TENM3: variants seen among roughly 807,000 people sequenced by gnomAD.
TENM3 encodes teneurin transmembrane protein 3.
TENM3 carries 63 observed loss-of-function variants against 255.1 expected under a neutral mutation model. The observed-to-expected ratio is 0.25, with a 90% CI of 0.20 to 0.30. TENM3 has a LOEUF of 0.30. Ranked by LOEUF, TENM3 falls within the 10% of genes least tolerant of loss-of-function variation. The pLI is 1.00. For missense variants in TENM3, 2,929 were observed against 3,461.1 expected, an observed-to-expected ratio of 0.85 and a Z score of 3.86; for synonymous variants, 1,306 against 1,322.3, an observed-to-expected ratio of 0.99 and a Z score of 0.27.
At chr4:182,750,581 G>C (rs1762300472) in intron 19 of TENM3, among the ~76,000 whole-genome samples, 2 of 152,070 alleles carry the variant, frequency 1.3e-5, no homozygotes, top group African/African-American at 2.4e-5. Flanking sequence ...TAACCTCATT[G>C]GTAATGAGGA....
At chr4:181,562,173 C>G in the TENM3 span, among the ~76,000 whole-genome samples, 1 of 152,012 alleles carries the variant, frequency 6.6e-6, no homozygotes, top group South Asian at 2.1e-4. Flanking sequence ...TTTTGATATG[C>G]AGATACTTAA....
chr4:182,200,807 A>G (rs1218089219), intron 1 of TENM3, among the ~76,000 whole-genome samples: 2 of 146,908 alleles, frequency 1.4e-5, no homozygotes, highest in Non-Finnish European at 3.0e-5. Flanking sequence ...GGGAAGAATA[A>G]CTTTAGAAAC....
the TENM3 span, among the ~76,000 whole-genome samples, chr4:181,507,477 C>G: frequency 4.6e-5 from 7 of 152,180 alleles, no homozygotes; most frequent in African/African-American, 1.4e-4. Flanking sequence ...TTTCTGCCGG[C>G]ACATATTAAT....
At chr4:182,214,048 C>T (rs1035289856) in intron 1 of TENM3, among the ~76,000 whole-genome samples, 15 of 152,156 alleles carry the variant, frequency 9.9e-5, no homozygotes, top group Admixed American at 2.0e-4. Context: ...GTGATCCCCC[C>T]GCTGCGGCCT....
intron 3 of TENM3, among the ~76,000 whole-genome samples, chr4:182,564,570 GTTTTTGTTTTGT>G (rs1446545460): frequency 2.7e-4 from 36 of 135,444 alleles, no homozygotes; most frequent in Non-Finnish European, 3.8e-4. Context: ...TTTTGTTTTT[GTTTTTGTTTTGT>G]TTTTTTTTTT....
At chr4:181,450,722 T>G in the TENM3 span, among the ~76,000 whole-genome samples, 1 of 152,214 alleles carries the variant, frequency 6.6e-6, no homozygotes, top group East Asian at 1.9e-4. Flanking sequence ...AGACTGCACC[T>G]CTTGAATCTT....
At chr4:182,471,556 T>C (rs1733121492) in intron 3 of TENM3, among the ~76,000 whole-genome samples, 1 of 152,144 alleles carries the variant, frequency 6.6e-6, no homozygotes, top group Non-Finnish European at 1.5e-5. Context: ...AAAAATATAA[T>C]ATTACAATCT....
At chr4:181,935,805 G>T in the TENM3 span, among the ~76,000 whole-genome samples, 4 of 152,208 alleles carry the variant, frequency 2.6e-5, no homozygotes, top group Admixed American at 2.0e-4. Context: ...TTCTTGAAGC[G>T]CACTCTACCG....
At chr4:182,392,689 C>G (rs923828062) in intron 3 of TENM3, among the ~76,000 whole-genome samples, 3 of 147,932 alleles carry the variant, frequency 2.0e-5, no homozygotes, top group Admixed American at 1.4e-4. Flanking sequence ...GGGGTGGAAA[C>G]AGAGAAGGAG....
At chr4:182,635,174 A>G (rs932266940) in intron 5 of TENM3, among the ~76,000 whole-genome samples, 7 of 152,362 alleles carry the variant, frequency 4.6e-5, no homozygotes, top group Admixed American at 2.6e-4. Flanking sequence ...ATCAGACTAT[A>G]TTGTGGTGGT....
chr4:182,156,448 C>G (rs992963887), intron 1 of TENM3, among the ~76,000 whole-genome samples: 1 of 152,008 alleles, frequency 6.6e-6, no homozygotes, highest in Admixed American at 6.6e-5. Flanking sequence ...TACGGATGAT[C>G]TCGTCACCCG....
chr4:182,032,513 T>G, the TENM3 span, among the ~76,000 whole-genome samples: 1 of 152,154 alleles, frequency 6.6e-6, no homozygotes, highest in Non-Finnish European at 1.5e-5. Flanking sequence ...GAAGTTTTTT[T>G]GTTGTTGATG....
At chr4:181,910,563 A>ATATATATAATGTACATATATATATAATG in the TENM3 span, among the ~76,000 whole-genome samples, 2 of 148,212 alleles carry the variant, frequency 1.3e-5, no homozygotes, top group African/African-American at 5.0e-5. Flanking sequence ...GTATACATAT[A>ATATATATAATGTACATATATATATAATG]TATATATATA....
chr4:182,549,958 A>C (rs1027649370), intron 3 of TENM3, among the ~76,000 whole-genome samples: 1 of 152,242 alleles, frequency 6.6e-6, no homozygotes, highest in Non-Finnish European at 1.5e-5. Context: ...TGGTTTTTTC[A>C]TACGTAATGG....
intron 4 of TENM3, among the ~76,000 whole-genome samples, chr4:182,622,269 C>T (rs1750357984): frequency 6.6e-6 from 1 of 151,966 alleles, no homozygotes; most frequent in African/African-American, 2.4e-5. Context: ...TGAGGCTCCT[C>T]CCAGGAGGCG....
chr4:181,571,793 A>G, the TENM3 span, among the ~76,000 whole-genome samples: 12 of 152,210 alleles, frequency 7.9e-5, no homozygotes, highest in African/African-American at 2.9e-4. Context: ...ATTAGGCATA[A>G]CTTACAAAGT....
At chr4:181,849,095 A>T in the TENM3 span, among the ~76,000 whole-genome samples, 4 of 152,148 alleles carry the variant, frequency 2.6e-5, no homozygotes, top group South Asian at 4.1e-4. Context: ...TTCACATTTC[A>T]GCTACAGTGA....
chr4:181,705,485 T>C, the TENM3 span, among the ~76,000 whole-genome samples: 2 of 152,380 alleles, frequency 1.3e-5, no homozygotes, highest in Admixed American at 1.3e-4. Flanking sequence ...ATCATTTTCA[T>C]TGATGAGAAA....
chr4:181,956,715 T>G, the TENM3 span, among the ~76,000 whole-genome samples: 1 of 152,186 alleles, frequency 6.6e-6, no homozygotes, highest in Non-Finnish European at 1.5e-5. Context: ...AAAAATTTAT[T>G]GGGGAGGTGA....
Sources: gnomAD v4.1 joint callset for allele counts (sites outside exome capture counted in the v4.1 genomes callset) on GRCh38, gnomAD v4.1.1 for gene constraint, MANE v1.5 for transcripts, NCBI Gene and HGNC (gene_info 2026-07-23, HGNC 2026-07-21) for gene names.